The following PIK3C3 variants were observed in gnomAD, a reference collection of about 807,000 sequenced individuals.
PIK3C3 encodes PI3-kinase type 3.
In PIK3C3, 95 loss-of-function variants were observed where a neutral mutation model predicts 126.1. The ratio of observed to expected loss-of-function variants is 0.75; its 90% CI spans 0.64 to 0.89. The LOEUF is 0.89. PIK3C3 is among the 40% of genes least tolerant of loss of function. PIK3C3 has a pLI of 0.00. For synonymous variants in PIK3C3, 374 were observed against 360.0 expected (o/e 1.04, Z -0.44); for missense variants, 829 against 1,063.2 (o/e 0.78, Z 3.06).
At chr18:42,022,054 T>A (rs1598904045) in intron 13 of PIK3C3, among the ~76,000 whole-genome samples, 1 of 152,326 alleles carries the variant, frequency 6.6e-6, no homozygotes, top group African/African-American at 2.4e-5. Context: ...CTTAACTTCA[T>A]TCTCCCACTC....
At chr18:42,061,294 G>C (rs931049776) in intron 22 of PIK3C3, among the ~76,000 whole-genome samples, 1 of 151,822 alleles carries the variant, frequency 6.6e-6, no homozygotes, top group Non-Finnish European at 1.5e-5. Context: ...TCTAATACTG[G>C]TTTGTTGGCC....
chr18:42,073,402 G>T (rs1253674443), intron 24 of PIK3C3, among the ~76,000 whole-genome samples: 1 of 152,148 alleles, frequency 6.6e-6, no homozygotes, highest in Non-Finnish European at 1.5e-5. Flanking sequence ...GGAGGAAAAT[G>T]GTGTGGTTAT....
At position 42,033,928 on chromosome 18, in the gene PIK3C3, A is replaced by G; in HGVS notation, c.1810A>G (p.Ile604Val). The change falls in exon 16 of 25, where the codon ATA becomes GTA. Residue 604 changes from isoleucine (I) to valine (V), a missense_variant. Ile to Val is a conservative substitution (Grantham distance 29). Transcript: ENST00000262039. Reference sequence around the variant, plus strand: ...AGAACCCCAAGTGAAAATTAGAGGAATAATTCCGGAAACAGCTACACTGTT... The same window carrying G: ...AGAACCCCAAGTGAAAATTAGAGGAGTAATTCCGGAAACAGCTACACTGTT... ...PLEPQVKIRGIIPETATLFKS... is the reference protein window; with the variant it reads ...PLEPQVKIRGVIPETATLFKS... 3 of 1,607,752 alleles carry G rather than the reference A, an allele frequency of 1.9e-6. No individual in the cohort carries two copies. The highest frequency in any genetic ancestry group is 1.7e-6 in the Non-Finnish European group (2 of 1,176,714).
chr18:42,038,775 T>G lies in PIK3C3; in HGVS notation c.1969-6T>G. 1 of 1,587,506 alleles carries G rather than the reference T, an allele frequency of 6.3e-7. No individual in the cohort carries two copies. Among genetic ancestry groups the G allele is most frequent in the Non-Finnish European group, 8.6e-7 (1 of 1,156,916 alleles). ...TGGTTAATATATTTTACCTTTTGAT[T>G]AAAAGCTGTTACGGAAAGAAAATCT... On this transcript the variant is annotated splice_region_variant and splice_polypyrimidine_tract_variant and intron_variant, in intron 17 of 24. Coordinates refer to ENST00000262039, the MANE Select transcript of PIK3C3 (RefSeq NM_002647.4).
chr18:41,999,798 A>G (rs1475810960), intron 9 of PIK3C3, among the ~76,000 whole-genome samples: 4 of 152,220 alleles, frequency 2.6e-5, no homozygotes, highest in African/African-American at 9.6e-5. Context: ...AAGGTTTCAC[A>G]GAACAAAGAT....
At chr18:42,069,704 T>C (rs962837046) in intron 24 of PIK3C3, among the ~76,000 whole-genome samples, 1 of 152,222 alleles carries the variant, frequency 6.6e-6, no homozygotes, top group African/African-American at 2.4e-5. Context: ...TCTACAAGTG[T>C]AGAAATATCT....
chr18:41,981,474 G>A (rs1981194501), intron 4 of PIK3C3, among the ~76,000 whole-genome samples: 2 of 152,182 alleles, frequency 1.3e-5, no homozygotes, highest in African/African-American at 4.8e-5. Flanking sequence ...CAGTTTGAAA[G>A]TAAAATTGGA....
chr18:42,075,021 T>C (rs1024830264), intron 24 of PIK3C3, among the ~76,000 whole-genome samples: 2 of 152,194 alleles, frequency 1.3e-5, no homozygotes, highest in Admixed American at 6.5e-5. Context: ...GTAATTCATA[T>C]AGTCTCCCTT....
At chr18:42,040,798 C>G (rs1432799842) in intron 19 of PIK3C3, 57 bp downstream of exon 19, 1 of 1,167,610 alleles carries the variant, frequency 8.6e-7, no homozygotes, top group Non-Finnish European at 1.3e-6. Flanking sequence ...ATAAAAAATT[C>G]AGTCTTTATA....
At chr18:42,060,824 G>A (rs961867046) in intron 22 of PIK3C3, among the ~76,000 whole-genome samples, 2 of 152,130 alleles carry the variant, frequency 1.3e-5, no homozygotes, top group East Asian at 1.9e-4. Flanking sequence ...ATCAAGTAAG[G>A]TTCTCATATT....
intron 8 of PIK3C3, among the ~76,000 whole-genome samples, chr18:41,996,284 G>A (rs1467759298): frequency 1.3e-5 from 2 of 152,150 alleles, no homozygotes; most frequent in Non-Finnish European, 2.9e-5. Flanking sequence ...GTGTACACAT[G>A]CCTTGTTGTA....
At chr18:41,965,568 G>C (rs550222497) in intron 3 of PIK3C3, among the ~76,000 whole-genome samples, 1 of 152,186 alleles carries the variant, frequency 6.6e-6, no homozygotes, top group South Asian at 2.1e-4. Flanking sequence ...CAGTGTGTCT[G>C]TGGTGGGGCC....
intron 13 of PIK3C3, among the ~76,000 whole-genome samples, chr18:42,023,613 G>T (rs1473542787): frequency 6.6e-6 from 1 of 152,132 alleles, no homozygotes; most frequent in African/African-American, 2.4e-5. Flanking sequence ...AATACTCATG[G>T]GGAGAAAAGC....
intron 11 of PIK3C3, among the ~76,000 whole-genome samples, 183 bp downstream of exon 11, chr18:42,013,779 A>G (rs1324866766): frequency 2.6e-5 from 4 of 152,196 alleles, no homozygotes; most frequent in Non-Finnish European, 5.9e-5. Context: ...AGTGTTTTGC[A>G]AGCTATCAAG....
At chr18:42,010,901 T>G (rs1298120252) in intron 10 of PIK3C3, among the ~76,000 whole-genome samples, 3 of 152,242 alleles carry the variant, frequency 2.0e-5, no homozygotes, top group South Asian at 2.1e-4. Flanking sequence ...AATGACTTCT[T>G]GATTTTTGGG....
chr18:42,035,225 T>C (rs1983995807), intron 16 of PIK3C3, among the ~76,000 whole-genome samples: 1 of 152,138 alleles, frequency 6.6e-6, no homozygotes, highest in African/African-American at 2.4e-5. Flanking sequence ...ATGCACAAGG[T>C]AATATACATA....
At chr18:42,018,210 C>A (rs907845065) in intron 12 of PIK3C3, among the ~76,000 whole-genome samples, 2 of 151,892 alleles carry the variant, frequency 1.3e-5, no homozygotes, top group African/African-American at 4.8e-5. Flanking sequence ...TTATAAAGCA[C>A]TTTTTTCTTT....
Position 42,082,595 on chromosome 18 carries a change from C to T in PIK3C3, c.*1458C>T, listed in dbSNP as rs1354426011. The stretch of plus-strand genomic sequence containing the variant: ...TTGTTATTAGTCAGACATTTTTAGC[C>T]CTCTGTATGCTCATTCTTGTAGTTC... On this transcript the variant is annotated 3_prime_UTR_variant, in exon 25 of 25. Coordinates refer to ENST00000262039, the MANE Select transcript of PIK3C3 (RefSeq NM_002647.4). 1.3e-5 allele frequency: 2 copies of T among 151,888 alleles called. No individual in the cohort carries two copies. The highest frequency in any genetic ancestry group is 2.1e-4 in the South Asian group (1 of 4,804). 9.4% of individuals were successfully genotyped at this position (151,888 alleles called of 1,614,324 possible). A position where few individuals can be genotyped will look rare whatever the true frequency, so the allele number is the denominator to read the frequency against.
At chr18:41,959,979 T>A (rs1310373965) in intron 2 of PIK3C3, among the ~76,000 whole-genome samples, 1 of 152,202 alleles carries the variant, frequency 6.6e-6, no homozygotes, top group Non-Finnish European at 1.5e-5. Flanking sequence ...AAAGAGATAT[T>A]CTATAAACCT....
Sources: allele counts gnomAD v4.1 joint callset (sites outside exome capture counted in the v4.1 genomes callset), GRCh38; gene constraint gnomAD v4.1.1; transcripts MANE v1.5; gene names NCBI Gene and HGNC (gene_info 2026-07-23, HGNC 2026-07-21).